The following NAV3 variants were observed in gnomAD, a reference collection of about 807,000 sequenced individuals.
NAV3 encodes pore membrane and/or filament interacting like protein 1.
In NAV3, 87 loss-of-function variants were observed where a neutral mutation model predicts 244.7. The observed-to-expected ratio is 0.36, with a 90% CI of 0.30 to 0.42. The LOEUF (loss-of-function observed/expected upper bound fraction) is 0.42. NAV3 is among the 20% of genes least tolerant of loss of function. The pLI is 1.00. For synonymous variants in NAV3, 1,126 were observed against 1,042.2 expected, an observed-to-expected ratio of 1.08 and a Z score of -1.55; for missense variants, 2,663 against 2,893.3, an observed-to-expected ratio of 0.92 and a Z score of 1.83.
At chr12:78,182,052 G>C (rs547191332) in intron 30 of NAV3, among the ~76,000 whole-genome samples, 1 of 152,000 alleles carries the variant, frequency 6.6e-6, no homozygotes, top group Non-Finnish European at 1.5e-5. Context: ...TAAACTTCTG[G>C]TGGGGATTAG....
intron 2 of NAV3, among the ~76,000 whole-genome samples, chr12:77,755,925 A>G (rs1869152076): frequency 6.6e-6 from 1 of 151,976 alleles, no homozygotes; most frequent in Non-Finnish European, 1.5e-5. Context: ...TTTGAAGATA[A>G]GATGTCACTT....
rs536297358 is a variant in NAV3, at chr12:77,747,650, T to C, written c.72+175384T>C. 2.0e-5 allele frequency among the ~76,000 whole-genome samples: 3 copies of C among 152,276 alleles called. No homozygotes were observed. The East Asian group carries it at 5.8e-4, about 29-fold the overall frequency. ...AACCAACCCAAATGTCCATCAATGA[T>C]AGACTGGATTAAGGAAATGTGGCAC... On this transcript the variant is annotated intron_variant, in intron 2 of 8. Coordinates refer to the NAV3 transcript ENST00000550042.
At chr12:77,996,807 T>C (rs976626611) in intron 6 of NAV3, among the ~76,000 whole-genome samples, 3 of 152,202 alleles carry the variant, frequency 2.0e-5, no homozygotes, top group Non-Finnish European at 4.4e-5. Flanking sequence ...TAAAAAATAG[T>C]GCTATATTTG....
chr12:77,684,742 C>T (rs1175383617), intron 2 of NAV3, among the ~76,000 whole-genome samples: 1 of 151,954 alleles, frequency 6.6e-6, no homozygotes, highest in Non-Finnish European at 1.5e-5. Context: ...TCTTATATAA[C>T]TCATTGCCAA....
At chr12:77,708,668 G>A (rs536387696) in intron 2 of NAV3, among the ~76,000 whole-genome samples, 30 of 152,178 alleles carry the variant, frequency 2.0e-4, no homozygotes, top group Non-Finnish European at 3.5e-4. Context: ...CCATTTTCAC[G>A]ATACTGATTC....
At chr12:77,993,427 A>G (rs1871786910) in intron 5 of NAV3, among the ~76,000 whole-genome samples, 1 of 152,126 alleles carries the variant, frequency 6.6e-6, no homozygotes. Context: ...TTATTTCTGA[A>G]TTACTTTCTG....
At chr12:77,998,872 G>C (rs895266263) in intron 7 of NAV3, among the ~76,000 whole-genome samples, 1 of 152,078 alleles carries the variant, frequency 6.6e-6, no homozygotes, top group South Asian at 2.1e-4. Flanking sequence ...GACAATTAAG[G>C]TTGGAGCATC....
chr12:77,819,314 G>A (rs1053958654), intron 2 of NAV3, among the ~76,000 whole-genome samples: 2 of 151,464 alleles, frequency 1.3e-5, no homozygotes, highest in Non-Finnish European at 2.9e-5. Flanking sequence ...TATAATATAA[G>A]TATGCTAAAC....
intron 1 of NAV3, among the ~76,000 whole-genome samples, chr12:77,847,627 C>T (rs973058696): frequency 6.6e-6 from 1 of 152,182 alleles, no homozygotes; most frequent in Non-Finnish European, 1.5e-5. Context: ...CTCATTCATT[C>T]TGCATGAGCA....
At chr12:77,749,271 G>C (rs1484948642) in intron 2 of NAV3, among the ~76,000 whole-genome samples, 1 of 152,212 alleles carries the variant, frequency 6.6e-6, no homozygotes, top group African/African-American at 2.4e-5. Context: ...ATATATGGAA[G>C]GGCAATGTCA....
chr12:78,017,497 A>G (rs1876423140), intron 8 of NAV3, among the ~76,000 whole-genome samples: 1 of 152,160 alleles, frequency 6.6e-6, no homozygotes, highest in African/African-American at 2.4e-5. Flanking sequence ...TTATAGTTTC[A>G]ATAGTTACTC....
At chr12:77,994,968 T>C (rs1872112213) in intron 6 of NAV3, 97 bp downstream of exon 6, 1 of 846,930 alleles carries the variant, frequency 1.2e-6, no homozygotes, top group Non-Finnish European at 1.8e-6. Context: ...GATGCACTTC[T>C]GAATGAGAAG....
At chr12:77,977,716 A>G (rs202236998) in intron 5 of NAV3, among the ~76,000 whole-genome samples, 30,142 of 138,468 alleles carry the variant, frequency 0.22, 3,084 homozygotes, top group Admixed American at 0.25. Flanking sequence ...ACACGCGCAC[A>G]CACACACACA....
chr12:77,813,486 C>T (rs1872390987), intron 2 of NAV3, among the ~76,000 whole-genome samples: 1 of 152,130 alleles, frequency 6.6e-6, no homozygotes, highest in African/African-American at 2.4e-5. Flanking sequence ...CTATTAGTTC[C>T]TGTCATTCAG....
chr12:77,659,523 T>G (rs975188845), intron 2 of NAV3, among the ~76,000 whole-genome samples: 6 of 152,304 alleles, frequency 3.9e-5, no homozygotes, highest in South Asian at 2.1e-4. Flanking sequence ...GACTGTAAAC[T>G]AGTTCAACCA....
chr12:77,940,588 G>A (rs1182737393), intron 2 of NAV3, 152 bp downstream of exon 2: 3 of 645,228 alleles, frequency 4.6e-6, no homozygotes, highest in Admixed American at 5.5e-5. Flanking sequence ...TTTATATGAG[G>A]ATGTTTGAAA....
chr12:78,204,902 T>C (rs1285814371), intron 38 of NAV3, 33 bp from the exon 39 acceptor site: 1 of 1,597,294 alleles, frequency 6.3e-7, no homozygotes, highest in Admixed American at 1.7e-5. Flanking sequence ...AAATGCATTT[T>C]ATATATATCC....
chr12:78,006,903 T>G lies in NAV3; in HGVS notation c.1365T>G (p.Asn455Lys). Residue 455 changes from asparagine (N) to lysine (K), a missense_variant, in exon 8 of 40, where the codon AAT (asparagine) becomes AAG (lysine). By Grantham distance (94) the Asn-to-Lys change is moderately conservative. Around this residue, in one of 6 missense-constraint regions of NAV3, gnomAD observed 1,521 missense variants for 1,497.0 expected, o/e 1.02. Coordinates refer to ENST00000397909, the MANE Select transcript of NAV3 (RefSeq NM_001024383.2). ...KLAPPKAGSK[N>K]LSNKKSLLQP... The stretch of plus-strand genomic sequence containing the variant: ...CCCCTCCAAAAGCTGGAAGCAAAAA[T>G]CTCAGCAATAAAAAGTCTTTGCTAC... 6.2e-7 allele frequency: 1 copy of G among 1,613,500 alleles called. No homozygotes were observed. Among genetic ancestry groups the G allele is most frequent in the Non-Finnish European group, 8.5e-7 (1 of 1,179,890 alleles).
chr12:77,608,151 A>T (rs1208737326), intron 2 of NAV3, among the ~76,000 whole-genome samples: 1 of 152,134 alleles, frequency 6.6e-6, no homozygotes, highest in African/African-American at 2.4e-5. Flanking sequence ...TTCCAAATAC[A>T]TGTAAGGAAG....
Sources: gnomAD v4.1 joint callset for allele counts (sites outside exome capture counted in the v4.1 genomes callset) on GRCh38, gnomAD v4.1.1 for gene constraint, gnomAD v4.1.1 regional missense constraint, MANE v1.5 for transcripts, NCBI Gene and HGNC (gene_info 2026-07-23, HGNC 2026-07-21) for gene names.